The following KDR variants were observed in gnomAD, a reference collection of about 807,000 sequenced individuals.
KDR encodes kinase insert domain receptor, also known as vascular endothelial growth factor receptor 2.
In KDR, 43 loss-of-function variants were observed where a neutral mutation model predicts 160.9. That is an observed-to-expected ratio of 0.27 (90% CI 0.21 to 0.34). KDR has a LOEUF of 0.34. Ranked by LOEUF, KDR falls within the 10% of genes least tolerant of loss-of-function variation. The probability of loss-of-function intolerance (pLI) is 1.00; values close to 1 mark genes in which losing one functional copy is unlikely to be tolerated. For missense variants in KDR, 1,469 were observed against 1,666.4 expected (o/e 0.88, Z 2.06); for synonymous variants, 617 against 600.1 (o/e 1.03, Z -0.41).
intron 15 of KDR, among the ~76,000 whole-genome samples, chr4:55,099,010 T>A (rs975939605): frequency 6.6e-6 from 1 of 150,450 alleles, no homozygotes; most frequent in African/African-American, 2.4e-5. Context: ...TTTATTTATT[T>A]ATTTATTTAT....
chr4:55,122,085 G>C (rs913723130), intron 1 of KDR, among the ~76,000 whole-genome samples: 1 of 152,058 alleles, frequency 6.6e-6, no homozygotes, highest in Non-Finnish European at 1.5e-5. Context: ...TGGGAGATCT[G>C]AACTTATTCA....
Position 55,078,502 on chromosome 4 carries a change from TAA to T in KDR, c.*1437_*1438del, listed in dbSNP as rs1419003366. 2 of 232,328 alleles carry T rather than the reference TAA, an allele frequency of 8.6e-6. No homozygotes were observed. The highest frequency in any genetic ancestry group is 1.7e-5 in the Non-Finnish European group (2 of 117,508). 14.4% of individuals were successfully genotyped at this position (232,328 alleles called of 1,614,324 possible). Reference sequence around the variant, plus strand: ...TTCCTTCAAGTTTTTCAATGTTCTTTAATAAAATGACATCAATTGCTGAAAGC... The same window carrying T: ...TTCCTTCAAGTTTTTCAATGTTCTTTTAAAATGACATCAATTGCTGAAAGC... On this transcript the variant is annotated 3_prime_UTR_variant, in exon 30 of 30. Transcript: ENST00000263923.
At chr4:55,119,982 G>T (rs1483406276) in intron 2 of KDR, among the ~76,000 whole-genome samples, 1 of 152,124 alleles carries the variant, frequency 6.6e-6, no homozygotes, top group East Asian at 1.9e-4. Context: ...AAATGTTTAT[G>T]CAGAGTTTTA....
chr4:55,099,616 A>G (rs1446047154), intron 15 of KDR, among the ~76,000 whole-genome samples: 1 of 152,198 alleles, frequency 6.6e-6, no homozygotes, highest in Non-Finnish European at 1.5e-5. Flanking sequence ...GAAATAAACA[A>G]AATTTTTTGA....
chr4:55,112,444 CTGTT>C (rs1720612136), intron 7 of KDR, among the ~76,000 whole-genome samples: 1 of 151,210 alleles, frequency 6.6e-6, no homozygotes, highest in African/African-American at 2.4e-5. Flanking sequence ...TGTTAATTGA[CTGTT>C]TATGTTATCA....
At position 55,109,677 on chromosome 4, in the gene KDR, TA is replaced by T. The variant is rs779499571; in HGVS notation, c.1255+725del. Reference sequence around the variant, plus strand: ...TGGAGAATACCAATATACATTAGCATATAAAAGGTTCTGCGAAGTCCTGCAA... The same window carrying T: ...TGGAGAATACCAATATACATTAGCATTAAAAGGTTCTGCGAAGTCCTGCAA... On this transcript the variant is annotated intron_variant, in intron 9 of 29. Transcript: ENST00000263923. 1.0e-3 allele frequency among the ~76,000 whole-genome samples: 156 copies of T among 152,244 alleles called. 1 individual carries two copies. Among genetic ancestry groups the T allele is most frequent in the Non-Finnish European group, 7.8e-4 (53 of 68,004 alleles).
intron 1 of KDR, among the ~76,000 whole-genome samples, chr4:55,121,858 T>C (rs531809868): frequency 2.0e-5 from 3 of 152,308 alleles, no homozygotes; most frequent in African/African-American, 7.2e-5. Context: ...TTCCCAATTT[T>C]ACACATATGT....
At chr4:55,116,731 T>G (rs751920851) in intron 3 of KDR, among the ~76,000 whole-genome samples, 12 of 152,182 alleles carry the variant, frequency 7.9e-5, no homozygotes, top group Non-Finnish European at 1.5e-5. Context: ...AAGCAGCCAA[T>G]CTAGCCCACC....
chr4:55,105,120 GACAA>G, intron 12 of KDR, 136 bp from the exon 13 acceptor site: 4 of 741,426 alleles, frequency 5.4e-6, no homozygotes, highest in South Asian at 3.1e-5. Flanking sequence ...ACTACAACTT[GACAA>G]ACAAACTAGA....
chr4:55,095,150 C>T (rs1352148495), intron 20 of KDR, among the ~76,000 whole-genome samples, 195 bp from the exon 21 acceptor site: 1 of 152,152 alleles, frequency 6.6e-6, no homozygotes, highest in East Asian at 1.9e-4. Context: ...AGGGTTTCTT[C>T]CACAAAGCCT....
chr4:55,113,566 G>A (rs1287764893), intron 6 of KDR, 85 bp from the exon 7 acceptor site: 14 of 1,245,004 alleles, frequency 1.1e-5, no homozygotes, highest in South Asian at 2.5e-5. Context: ...ATTAAATCTG[G>A]GCTTTGGTAA....
At chr4:55,092,527 C>T (rs1297224626) in intron 22 of KDR, 90 bp downstream of exon 22, 1 of 923,914 alleles carries the variant, frequency 1.1e-6, no homozygotes, top group African/African-American at 1.6e-5. Context: ...GAATTACAAT[C>T]CCAAACAAGC....
At chr4:55,094,555 C>T (rs1302971123) in intron 21 of KDR, among the ~76,000 whole-genome samples, 1 of 152,166 alleles carries the variant, frequency 6.6e-6, no homozygotes, top group East Asian at 1.9e-4. Context: ...TGGTTGTAGC[C>T]GACTGCTTAG....
At chr4:55,091,835 A>G (rs1458830) in intron 22 of KDR, among the ~76,000 whole-genome samples, 48,458 of 152,084 alleles carry the variant, frequency 0.32, 7,841 homozygotes, top group Non-Finnish European at 0.35. Context: ...TTCCAGGGGA[A>G]TCACTGCCAC....
chr4:55,117,602 G>A (rs1720766499), intron 3 of KDR, among the ~76,000 whole-genome samples: 1 of 152,194 alleles, frequency 6.6e-6, no homozygotes, highest in South Asian at 2.1e-4. Flanking sequence ...TGAAATGTAA[G>A]CAGAGATATG....
At chr4:55,098,081 G>C in intron 17 of KDR, 56 bp downstream of exon 17, 1 of 1,595,058 alleles carries the variant, frequency 6.3e-7, no homozygotes, top group Non-Finnish European at 8.6e-7. Flanking sequence ...CATTCTAATG[G>C]AGGAAGAGAT....
Position 55,082,559 on chromosome 4 carries a change from GTTC to G in KDR, c.3736_3738del (p.Glu1246del). On this transcript the variant is annotated inframe_deletion, in exon 28 of 30. Coordinates refer to ENST00000263923, the MANE Select transcript of KDR (RefSeq NM_002253.4). ...ACATCTGGGATTACTTTTACTTCTG[GTTC>G]TTCTAACGGGATATCTTCAAATGTT... 1 of 1,613,000 alleles carries G rather than the reference GTTC, an allele frequency of 6.2e-7. No homozygotes were observed. Among genetic ancestry groups the G allele is most frequent in the Non-Finnish European group, 8.5e-7 (1 of 1,179,100 alleles).
chr4:55,115,174 T>TA, intron 4 of KDR, 107 bp downstream of exon 4: 5 of 1,264,026 alleles, frequency 4.0e-6, no homozygotes, highest in Non-Finnish European at 5.7e-6. Flanking sequence ...TGACCCTTCC[T>TA]AAAGGATCCT....
At chr4:55,085,534 C>G (rs752269824) in intron 27 of KDR, among the ~76,000 whole-genome samples, 9 of 152,170 alleles carry the variant, frequency 5.9e-5, no homozygotes, top group Non-Finnish European at 1.2e-4. Flanking sequence ...AGAAACAGAA[C>G]CCCAGGAGAG....
Sources: allele counts gnomAD v4.1 joint callset (sites outside exome capture counted in the v4.1 genomes callset), GRCh38; gene constraint gnomAD v4.1.1; transcripts MANE v1.5; gene names NCBI Gene and HGNC (gene_info 2026-07-23, HGNC 2026-07-21).